The following AKR1B10 variants were observed in gnomAD, a reference collection of about 807,000 sequenced individuals.
The protein encoded by AKR1B10 is aldo-keto reductase family 1 member B10, also known as ARP.
AKR1B10 carries 39 observed loss-of-function variants against 38.9 expected under a neutral mutation model. The observed-to-expected ratio is 1.00, with a 90% CI of 0.78 to 1.31. The LOEUF (loss-of-function observed/expected upper bound fraction) is 1.31. AKR1B10 is among the 50% of genes most tolerant of loss of function. AKR1B10 has a pLI of 0.00. For missense variants in AKR1B10, 361 were observed against 382.6 expected (o/e 0.94, Z 0.47); for synonymous variants, 148 against 141.2 (o/e 1.05, Z -0.34).
At position 134,530,747 on chromosome 7, in the gene AKR1B10, A is replaced by G. The variant is rs769943908; in HGVS notation, c.171A>G (p.Glu57=). ...YVYQNEHEVG[E]AIQEKIQEKA... ...ATCAGAATGAACATGAAGTGGGGGA[A>G]GCCATCCAAGAGAAGATCCAAGAGA... Residue 57 remains glutamate (E), a synonymous_variant, in exon 2 of 10, where the codon GAA becomes GAG. Coordinates refer to ENST00000359579, the MANE Select transcript of AKR1B10 (RefSeq NM_020299.5). The G allele has an allele frequency of 1.9e-6, 3 of 1,614,088 alleles. No homozygotes were observed. In the East Asian group the frequency reaches 6.7e-5, roughly 36 times the overall value.
chr7:134,535,237 G>A (rs1402895041), intron 4 of AKR1B10, among the ~76,000 whole-genome samples: 1 of 152,002 alleles, frequency 6.6e-6, no homozygotes, highest in African/African-American at 2.4e-5. Context: ...CTCAGCCTCT[G>A]GTAATATATA....
chr7:134,528,726 CAAGAAAGA>C (rs1461315634), intron 1 of AKR1B10, among the ~76,000 whole-genome samples: 2 of 145,132 alleles, frequency 1.4e-5, no homozygotes, highest in Non-Finnish European at 1.5e-5. Flanking sequence ...TCCAAGAAAG[CAAGAAAGA>C]GAGAAAGAGA....
chr7:134,540,335 T>C (rs1322192423), intron 9 of AKR1B10, among the ~76,000 whole-genome samples: 1 of 152,154 alleles, frequency 6.6e-6, no homozygotes, highest in East Asian at 1.9e-4. Context: ...ATGGCTTACT[T>C]TTATTGGAGC....
intron 9 of AKR1B10, among the ~76,000 whole-genome samples, chr7:134,539,510 A>C (rs1424768850): frequency 1.3e-5 from 2 of 152,094 alleles, no homozygotes; most frequent in Non-Finnish European, 2.9e-5. Context: ...TGGTAGTGGG[A>C]CTGATCCTTT....
chr7:134,530,034 A>AT (rs890174512), intron 1 of AKR1B10, among the ~76,000 whole-genome samples: 116 of 151,290 alleles, frequency 7.7e-4, no homozygotes, highest in African/African-American at 2.3e-3. Context: ...GGCTGGTGCT[A>AT]TTTTTTTTTC....
chr7:134,530,962 T>C lies in AKR1B10; in HGVS notation c.234+152T>C, dbSNP rs997372591. ...TCCGTGAATACAACACTATCCATAC[T>C]CCAAGCCATTATTGATATTTGAACA... On this transcript the variant is annotated intron_variant, in intron 2 of 9. Transcript: ENST00000359579. 6.8e-5 allele frequency: 80 copies of C among 1,173,394 alleles called. No homozygotes were observed. The African/African-American group carries it at 1.2e-3, about 17-fold the overall frequency. The allele number at this position is 1,173,394 out of a possible 1,614,324, so 72.7% of individuals were successfully genotyped here.
intron 4 of AKR1B10, among the ~76,000 whole-genome samples, 194 bp from the exon 5 acceptor site, chr7:134,536,456 C>G (rs1293207634): frequency 6.6e-6 from 1 of 152,106 alleles, no homozygotes; most frequent in East Asian, 1.9e-4. Context: ...TTTTCTTGCG[C>G]TGGGGAGGGG....
At chr7:134,532,380 A>G (rs1274877403) in intron 3 of AKR1B10, among the ~76,000 whole-genome samples, 2 of 152,140 alleles carry the variant, frequency 1.3e-5, no homozygotes, top group Non-Finnish European at 2.9e-5. Context: ...TTGCATAACT[A>G]TATTCCAGGG....
chr7:134,531,932 C>G lies in AKR1B10; in HGVS notation c.259C>G (p.Pro87Ala), dbSNP rs2303312. ...SKLWPTFFER[P>A]LVRKAFEKTL... is the part of the protein sequence containing the mutation. ...GTTGTGGCCCACTTTCTTTGAGAGACCCCTTGTGAGGAAAGCCTTTGAGAA... is the reference window on the plus strand; with the variant it reads ...GTTGTGGCCCACTTTCTTTGAGAGAGCCCTTGTGAGGAAAGCCTTTGAGAA... The change falls in exon 3 of 10, where the codon CCC becomes GCC. Residue 87 changes from proline to alanine, a missense_variant. Pro to Ala is a conservative substitution (Grantham distance 27, BLOSUM62 -1). Around this residue, in one of 3 missense-constraint regions of AKR1B10, gnomAD observed 220 missense variants for 216.1 expected, o/e 1.02. Transcript: ENST00000359579. 6 of 1,614,046 alleles carry G rather than the reference C, an allele frequency of 3.7e-6. No homozygotes were observed. The South Asian group carries it at 6.6e-5, about 18-fold the overall frequency.
chr7:134,533,698 C>A (rs1473053080), intron 4 of AKR1B10, among the ~76,000 whole-genome samples: 1 of 152,158 alleles, frequency 6.6e-6, no homozygotes, highest in Non-Finnish European at 1.5e-5. Flanking sequence ...GTCCAACCAC[C>A]AAAGCCATCA....
Position 134,540,753 on chromosome 7 carries a change from A to T in AKR1B10, c.909-294A>T, listed in dbSNP as rs143973759. Among the ~76,000 whole-genome samples, 824 of 152,178 alleles carry T rather than the reference A, an allele frequency of 5.4e-3. 4 individuals carry two copies. The highest frequency in any genetic ancestry group is 0.019 in the African/African-American group (781 of 41,532). On this transcript the variant is annotated intron_variant, in intron 9 of 9. Transcript: ENST00000359579. ...GTTTCCTACTTCATGATGTTGTGAGAGTGGATTGGGACAAGACTTGTCTGT... is the reference window on the plus strand; with the variant it reads ...GTTTCCTACTTCATGATGTTGTGAGTGTGGATTGGGACAAGACTTGTCTGT...
At chr7:134,535,746 T>C (rs890118216) in intron 4 of AKR1B10, 27 of 936,568 alleles carry the variant, frequency 2.9e-5, no homozygotes, top group Non-Finnish European at 3.4e-5. Flanking sequence ...GTGTCATGAT[T>C]GATGGCTCCA....
intron 1 of AKR1B10, 52 bp from the exon 2 acceptor site, chr7:134,530,591 C>T: frequency 1.9e-6 from 3 of 1,602,580 alleles, no homozygotes; most frequent in Admixed American, 1.7e-5. Flanking sequence ...ACGGCAGGGC[C>T]CCATCTCTTA....
chr7:134,535,608 T>TTA, intron 4 of AKR1B10: 13 of 880,670 alleles, frequency 1.5e-5, no homozygotes, highest in Non-Finnish European at 1.6e-5. Context: ...TTTTTTTTTT[T>TTA]CTTTTGAGGC....
At chr7:134,540,249 C>T (rs994867899) in intron 9 of AKR1B10, among the ~76,000 whole-genome samples, 7 of 152,132 alleles carry the variant, frequency 4.6e-5, no homozygotes, top group African/African-American at 1.2e-4. Context: ...GTATCTCAAG[C>T]GCTGCTTGCA....
chr7:134,538,315 G>A (rs767731697), intron 8 of AKR1B10, 38 bp downstream of exon 8: 1 of 1,577,636 alleles, frequency 6.3e-7, no homozygotes, highest in Admixed American at 1.7e-5. Context: ...ATTCCTCAGT[G>A]GAGTGGGGGA....
At chr7:134,530,583 G>C in intron 1 of AKR1B10, 60 bp from the exon 2 acceptor site, 2 of 1,591,108 alleles carry the variant, frequency 1.3e-6, no homozygotes, top group Non-Finnish European at 8.6e-7. Flanking sequence ...TGGGCAACAC[G>C]GCAGGGCCCC....
intron 4 of AKR1B10, among the ~76,000 whole-genome samples, chr7:134,536,412 C>A (rs1392685126): frequency 6.6e-6 from 1 of 152,122 alleles, no homozygotes; most frequent in Non-Finnish European, 1.5e-5. Flanking sequence ...GTGAGAGTGG[C>A]AAGAACATAA....
rs1808063659 is a variant in AKR1B10 at position 134,538,235 on chromosome 7, C to T, written c.783C>T (p.Ile261=). 1 of 1,613,992 alleles carries T rather than the reference C, an allele frequency of 6.2e-7. No homozygotes were observed. Among genetic ancestry groups the T allele is most frequent in the African/African-American group, 1.3e-5 (1 of 74,928 alleles). Residue 261 remains isoleucine (I), a synonymous_variant, in exon 8 of 10, where the codon ATC becomes ATT. Transcript: ENST00000359579. The part of the protein sequence containing the change: ...RFHIQRNVIV[I]PKSVTPARIV... ...ATATCCAGAGGAATGTGATTGTCAT[C>T]CCCAAGTCTGTGACACCAGCACGCA...
Sources: allele counts gnomAD v4.1 joint callset (sites outside exome capture counted in the v4.1 genomes callset), GRCh38; gene constraint gnomAD v4.1.1; regional missense constraint gnomAD v4.1.1; transcripts MANE v1.5; gene names NCBI Gene and HGNC (gene_info 2026-07-23, HGNC 2026-07-21).